Variants in SNTB1 observed in about 807,000 individuals in gnomAD.
SNTB1 encodes beta-1-syntrophin.
A neutral mutation model predicts 48.9 loss-of-function variants in SNTB1; 36 were observed. The ratio of observed to expected loss-of-function variants is 0.74; its 90% CI spans 0.56 to 0.97. The LOEUF is 0.97. Among genes scored for constraint, SNTB1 ranks in the 50% least tolerant of loss-of-function variants. The pLI is 0.00. For missense variants in SNTB1, 786 were observed against 703.4 expected (o/e 1.12, Z -1.33); for synonymous variants, 299 against 294.6 (o/e 1.01, Z -0.15).
chr8:120,783,831 C>A (rs1819870995), intron 1 of SNTB1, among the ~76,000 whole-genome samples: 1 of 151,916 alleles, frequency 6.6e-6, no homozygotes, highest in Non-Finnish European at 1.5e-5. Context: ...AATTTTTTTA[C>A]CAATAAAATT....
At chr8:120,734,989 A>G (rs1351885195) in intron 1 of SNTB1, among the ~76,000 whole-genome samples, 3 of 152,230 alleles carry the variant, frequency 2.0e-5, no homozygotes, top group African/African-American at 2.4e-5. Flanking sequence ...AGGAGAGGAC[A>G]TAAAATAGGA....
At chr8:120,738,475 T>C (rs117046825) in intron 1 of SNTB1, among the ~76,000 whole-genome samples, 3 of 152,242 alleles carry the variant, frequency 2.0e-5, no homozygotes, top group Non-Finnish European at 4.4e-5. Flanking sequence ...CTTCATGTTT[T>C]AGAAAAGGAA....
intron 2 of SNTB1, among the ~76,000 whole-genome samples, chr8:120,633,488 C>T (rs562975894): frequency 3.3e-5 from 5 of 152,112 alleles, no homozygotes; most frequent in African/African-American, 1.2e-4. Context: ...GCCTGTAGCC[C>T]CAGCTACTTG....
chr8:120,770,951 G>C (rs538748109), intron 1 of SNTB1, among the ~76,000 whole-genome samples: 2 of 152,306 alleles, frequency 1.3e-5, no homozygotes, highest in East Asian at 3.9e-4. Context: ...ATGGGTAGAG[G>C]TGTGAAATAA....
chr8:120,644,346 T>A (rs1817246653), intron 2 of SNTB1, among the ~76,000 whole-genome samples: 1 of 122,578 alleles, frequency 8.2e-6, no homozygotes, highest in Non-Finnish European at 1.6e-5. Context: ...CAGAGTGTGA[T>A]ATTCCCCTTC....
intron 3 of SNTB1, among the ~76,000 whole-genome samples, chr8:120,593,816 T>C (rs1816280567): frequency 6.6e-6 from 1 of 152,206 alleles, no homozygotes; most frequent in African/African-American, 2.4e-5. Flanking sequence ...CTGGGGATTC[T>C]ATTTTTAAAG....
At chr8:120,615,205 TC>T (rs898639558) in intron 3 of SNTB1, among the ~76,000 whole-genome samples, 5 of 151,852 alleles carry the variant, frequency 3.3e-5, no homozygotes, top group African/African-American at 1.2e-4. Flanking sequence ...GCATCTTGCT[TC>T]CCTCCCCACA....
intron 1 of SNTB1, among the ~76,000 whole-genome samples, chr8:120,764,687 A>C (rs1292524283): frequency 1.3e-5 from 2 of 152,286 alleles, no homozygotes; most frequent in South Asian, 2.1e-4. Context: ...TCACAAAGGA[A>C]AGCTCCATCA....
chr8:120,554,536 C>T (rs1815534053), intron 4 of SNTB1, among the ~76,000 whole-genome samples: 1 of 152,124 alleles, frequency 6.6e-6, no homozygotes, highest in Non-Finnish European at 1.5e-5. Flanking sequence ...ACTCGGCAAA[C>T]ATTAATTCTT....
At chr8:120,558,075 C>T (rs1815596118) in intron 4 of SNTB1, among the ~76,000 whole-genome samples, 1 of 152,212 alleles carries the variant, frequency 6.6e-6, no homozygotes, top group Non-Finnish European at 1.5e-5. Context: ...AGGCTAAAAC[C>T]TGTCTGCCTG....
chr8:120,601,271 G>A (rs540542168), intron 3 of SNTB1, among the ~76,000 whole-genome samples: 2 of 152,186 alleles, frequency 1.3e-5, no homozygotes, highest in East Asian at 3.9e-4. Flanking sequence ...AGGTATGCAC[G>A]CATTACATAC....
chr8:120,685,311 C>T (rs1818011350), intron 2 of SNTB1, among the ~76,000 whole-genome samples: 1 of 152,216 alleles, frequency 6.6e-6, no homozygotes, highest in South Asian at 2.1e-4. Flanking sequence ...CACCTCTGTT[C>T]TCTTTCTGGG....
intron 3 of SNTB1, among the ~76,000 whole-genome samples, chr8:120,606,344 A>G (rs1374603227): frequency 1.4e-5 from 2 of 147,750 alleles, no homozygotes; most frequent in African/African-American, 2.5e-5. Context: ...AATATGATAT[A>G]CTTTATAAAT....
intron 1 of SNTB1, 131 bp downstream of exon 1, chr8:120,811,142 C>CA: frequency 8.3e-7 from 1 of 1,205,644 alleles, no homozygotes; most frequent in South Asian, 1.7e-5. Context: ...CCCCCCCCCC[C>CA]AACACACACA....
At chr8:120,566,361 G>A (rs1815749021) in intron 4 of SNTB1, among the ~76,000 whole-genome samples, 1 of 151,068 alleles carries the variant, frequency 6.6e-6, no homozygotes, top group Admixed American at 6.6e-5. Flanking sequence ...AAAGGGTGGG[G>A]GAGGCTTGGG....
intron 1 of SNTB1, chr8:120,768,888 G>C (rs747469194): frequency 6.6e-6 from 1 of 152,196 alleles, no homozygotes; most frequent in Non-Finnish European, 1.5e-5. Context: ...TCTTAGGAAA[G>C]GGCAAGACTG....
At chr8:120,674,610 GT>G (rs984945243) in intron 2 of SNTB1, among the ~76,000 whole-genome samples, 1 of 151,838 alleles carries the variant, frequency 6.6e-6, no homozygotes. Context: ...AATGCGGTTT[GT>G]TTTTTTTCCT....
chr8:120,621,186 C>T (rs891594028), intron 3 of SNTB1, among the ~76,000 whole-genome samples: 1 of 152,148 alleles, frequency 6.6e-6, no homozygotes, highest in Non-Finnish European at 1.5e-5. Context: ...TCTTGAACTC[C>T]TGACCTCAGG....
chr8:120,787,414 AG>A (rs1819942275), intron 1 of SNTB1, among the ~76,000 whole-genome samples: 3 of 152,272 alleles, frequency 2.0e-5, no homozygotes. Flanking sequence ...AAAATTCAAA[AG>A]GTTGATTATT....
Sources: allele counts gnomAD v4.1 joint callset (sites outside exome capture counted in the v4.1 genomes callset), GRCh38; gene constraint gnomAD v4.1.1; transcripts MANE v1.5; gene names NCBI Gene and HGNC (gene_info 2026-07-23, HGNC 2026-07-21).